Variants in GABRA3 observed in about 807,000 individuals in gnomAD.
GABRA3 encodes gamma-aminobutyric acid type A receptor subunit alpha3.
GABRA3 carries 10 observed loss-of-function variants against 30.1 expected under a neutral mutation model. The observed-to-expected ratio is 0.33, with a 90% CI of 0.20 to 0.56. The LOEUF (loss-of-function observed/expected upper bound fraction) is 0.56, where lower values mean the gene tolerates loss of function less well. GABRA3 is among the 20% of genes least tolerant of loss of function. GABRA3 has a pLI of 0.89. For synonymous variants in GABRA3, 151 were observed against 146.8 expected (o/e 1.03, Z -0.21); for missense variants, 233 against 392.0 (o/e 0.59, Z 3.42).
intron 3 of GABRA3, among the ~76,000 whole-genome samples, chrX:152,319,044 G>C (rs1013887961): frequency 1.8e-5 from 2 of 111,557 alleles, no homozygotes; most frequent in Non-Finnish European, 3.8e-5. Context: ...AAGTCAAACT[G>C]TTACTGTTTG....
At chrX:152,437,390 T>C (rs911863309) in intron 1 of GABRA3, among the ~76,000 whole-genome samples, 53 of 111,970 alleles carry the variant, frequency 4.7e-4, no homozygotes, top group African/African-American at 1.6e-3. Flanking sequence ...AAATATTCCA[T>C]GGTCATGAAT....
At chrX:152,335,844 C>G (rs1181288114) in intron 3 of GABRA3, among the ~76,000 whole-genome samples, 3 of 110,537 alleles carry the variant, frequency 2.7e-5, no homozygotes, top group Non-Finnish European at 5.7e-5. Context: ...CTCAGCCTCT[C>G]GAGGAGCTGG....
intron 6 of GABRA3, 41 bp from the exon 7 acceptor site, chrX:152,208,185 T>C: frequency 8.5e-7 from 1 of 1,170,528 alleles, no homozygotes; most frequent in African/African-American, 1.8e-5. Flanking sequence ...TTGAAGGAAA[T>C]GGAGAATGAT....
At chrX:152,330,661 G>C (rs1039050190) in intron 3 of GABRA3, among the ~76,000 whole-genome samples, 3 of 103,639 alleles carry the variant, frequency 2.9e-5, no homozygotes, top group Non-Finnish European at 5.9e-5. Flanking sequence ...AGAACACTTG[G>C]ACACAGCGTG....
At chrX:152,366,629 C>G (rs994904805) in intron 1 of GABRA3, among the ~76,000 whole-genome samples, 2 of 112,068 alleles carry the variant, frequency 1.8e-5, no homozygotes, top group African/African-American at 6.5e-5. Context: ...TACATGAAAT[C>G]ATAACTAAAT....
At chrX:152,428,614 A>C (rs767300177) in intron 1 of GABRA3, among the ~76,000 whole-genome samples, 1 of 111,160 alleles carries the variant, frequency 9.0e-6, no homozygotes, top group African/African-American at 3.3e-5. Context: ...GATACTGCCC[A>C]GGATCCCCAA....
chrX:152,442,069 T>TACACAAATACACAA (rs1930945246), intron 1 of GABRA3, among the ~76,000 whole-genome samples: 1 of 111,281 alleles, frequency 9.0e-6, no homozygotes. Context: ...ATATGCTATA[T>TACACAAATACACAA]ATATCACAAA....
intron 1 of GABRA3, among the ~76,000 whole-genome samples, chrX:152,377,803 T>C (rs1231214704): frequency 9.0e-6 from 1 of 111,624 alleles, no homozygotes; most frequent in Non-Finnish European, 1.9e-5. Context: ...ACAACATGCA[T>C]GCACACACAT....
chrX:152,301,384 A>C (rs977119703), intron 3 of GABRA3, among the ~76,000 whole-genome samples: 1 of 112,203 alleles, frequency 8.9e-6, no homozygotes, highest in Admixed American at 9.5e-5. Flanking sequence ...TGGGCTCAAG[A>C]GAAATAATGT....
chrX:152,347,537 A>G (rs1940408981), intron 2 of GABRA3, among the ~76,000 whole-genome samples: 1 of 111,733 alleles, frequency 8.9e-6, no homozygotes, highest in Non-Finnish European at 1.9e-5. Flanking sequence ...CACATTCTCC[A>G]TGATGTGATT....
At chrX:152,216,636 T>C (rs997971554) in intron 6 of GABRA3, among the ~76,000 whole-genome samples, 2 of 109,432 alleles carry the variant, frequency 1.8e-5, no homozygotes, top group African/African-American at 6.6e-5. Context: ...TACCTGAGGC[T>C]GGGGAAGGAG....
At chrX:152,374,119 G>A (rs1233985379) in intron 1 of GABRA3, among the ~76,000 whole-genome samples, 1 of 110,457 alleles carries the variant, frequency 9.1e-6, no homozygotes, top group Admixed American at 9.7e-5. Flanking sequence ...AGGAGTGTCT[G>A]TTCATGTCCT....
chrX:152,210,872 C>T lies in GABRA3; in HGVS notation c.635-2728G>A, dbSNP rs1268746877. On this transcript the variant is annotated intron_variant, in intron 6 of 9. Coordinates refer to ENST00000370314, the MANE Select transcript of GABRA3 (RefSeq NM_000808.4). ...TTTGTGGACCTTTAAACTATTATCA[C>T]CAAGAAGAAAGGAAAATCTTCTCAG... Among the ~76,000 whole-genome samples, 31 of 111,170 alleles carry T rather than the reference C, an allele frequency of 2.8e-4. No homozygotes were observed. In the Admixed American group the frequency reaches 3.0e-3, roughly 11 times the overall value.
At chrX:152,424,493 C>T (rs1252531743) in intron 1 of GABRA3, among the ~76,000 whole-genome samples, 8 of 111,606 alleles carry the variant, frequency 7.2e-5, no homozygotes, top group Non-Finnish European at 5.6e-5. Context: ...TACACAGTAG[C>T]CAAGTTTAGC....
At chrX:152,252,790 T>G (rs1938579203) in intron 5 of GABRA3, among the ~76,000 whole-genome samples, 1 of 111,293 alleles carries the variant, frequency 9.0e-6, no homozygotes, top group African/African-American at 3.3e-5. Context: ...CGCTTCTATG[T>G]CATCTTCAAT....
chrX:152,378,816 A>G (rs986338091), intron 1 of GABRA3, among the ~76,000 whole-genome samples: 7 of 101,615 alleles, frequency 6.9e-5, no homozygotes, highest in Non-Finnish European at 1.4e-4. Context: ...TTGACAGTAT[A>G]TATGTTATGT....
intron 4 of GABRA3, among the ~76,000 whole-genome samples, chrX:152,266,569 T>A (rs1938828938): frequency 9.0e-6 from 1 of 111,214 alleles, no homozygotes; most frequent in South Asian, 3.7e-4. Flanking sequence ...ATAAGTAAAA[T>A]AAGGCAGAGA....
At chrX:152,241,063 G>A (rs1305837924) in intron 5 of GABRA3, among the ~76,000 whole-genome samples, 1 of 110,172 alleles carries the variant, frequency 9.1e-6, no homozygotes, top group Non-Finnish European at 1.9e-5. Flanking sequence ...TGGAGGAGGA[G>A]AAGAGGCGCT....
intron 1 of GABRA3, among the ~76,000 whole-genome samples, chrX:152,378,670 G>A (rs1014957916): frequency 3.6e-5 from 4 of 110,934 alleles, no homozygotes; most frequent in Admixed American, 1.9e-4. Flanking sequence ...CAGATATATC[G>A]GCGATTTTTT....
Sources: allele counts gnomAD v4.1 joint callset (sites outside exome capture counted in the v4.1 genomes callset), GRCh38; gene constraint gnomAD v4.1.1; transcripts MANE v1.5; gene names NCBI Gene and HGNC (gene_info 2026-07-23, HGNC 2026-07-21).